NLGN1: variants seen among roughly 807,000 people sequenced by gnomAD.
The protein encoded by NLGN1 is neuroligin-1.
Under a neutral mutation model 65.5 loss-of-function variants are expected in NLGN1, and 12 were observed. The ratio of observed to expected loss-of-function variants is 0.18; its 90% CI spans 0.12 to 0.30. The LOEUF is 0.30. Among genes scored for constraint, NLGN1 ranks in the 10% least tolerant of loss-of-function variants. The pLI, the probability that NLGN1 is intolerant of heterozygous loss-of-function variation, is 1.00. For missense variants in NLGN1, 750 were observed against 1,007.1 expected (o/e 0.74, Z 3.46); for synonymous variants, 350 against 359.5 (o/e 0.97, Z 0.30).
intron 4 of NLGN1, among the ~76,000 whole-genome samples, chr3:174,044,712 G>A (rs1560910806): frequency 6.6e-6 from 1 of 152,076 alleles, no homozygotes; most frequent in Admixed American, 6.6e-5. Flanking sequence ...TGAGGCCTCT[G>A]ATATGGTTTG....
intron 4 of NLGN1, among the ~76,000 whole-genome samples, chr3:174,073,911 A>G (rs1231598356): frequency 1.3e-5 from 2 of 152,254 alleles, no homozygotes; most frequent in Non-Finnish European, 2.9e-5. Context: ...ACTATATTTA[A>G]GGTACTAGGA....
chr3:173,632,857 T>G (rs1001672715), intron 3 of NLGN1, among the ~76,000 whole-genome samples: 40 of 150,260 alleles, frequency 2.7e-4, no homozygotes, highest in East Asian at 9.7e-4. Context: ...TTGTTTTTTT[T>G]TTTTTTTTTT....
intron 4 of NLGN1, among the ~76,000 whole-genome samples, chr3:173,925,182 G>A (rs1157369977): frequency 6.6e-6 from 1 of 152,132 alleles, no homozygotes; most frequent in Non-Finnish European, 1.5e-5. Flanking sequence ...ATTCACATTT[G>A]TAGATGTTAG....
At chr3:174,223,144 AGAG>A (rs1317550339) in intron 4 of NLGN1, among the ~76,000 whole-genome samples, 1 of 152,128 alleles carries the variant, frequency 6.6e-6, no homozygotes, top group African/African-American at 2.4e-5. Flanking sequence ...CACAATGATC[AGAG>A]GAGAGCTGAC....
intron 4 of NLGN1, among the ~76,000 whole-genome samples, chr3:174,078,487 T>G (rs1272733877): frequency 1.3e-5 from 2 of 152,152 alleles, no homozygotes; most frequent in African/African-American, 4.8e-5. Context: ...GTTTTCCTAT[T>G]TATGTGTGTA....
At chr3:173,958,531 A>G (rs1712713225) in intron 4 of NLGN1, among the ~76,000 whole-genome samples, 1 of 151,924 alleles carries the variant, frequency 6.6e-6, no homozygotes, top group Non-Finnish European at 1.5e-5. Context: ...AGGTCATCCC[A>G]TTTTCTCCTT....
chr3:174,088,476 G>T (rs1282201051), intron 4 of NLGN1, among the ~76,000 whole-genome samples: 3 of 152,084 alleles, frequency 2.0e-5, no homozygotes, highest in African/African-American at 7.2e-5. Context: ...AATTATTTTG[G>T]CTGGGCACGG....
intron 4 of NLGN1, among the ~76,000 whole-genome samples, chr3:174,234,713 T>TG (rs1234382406): frequency 6.6e-6 from 1 of 152,128 alleles, no homozygotes; most frequent in Admixed American, 6.5e-5. Context: ...TGGTGGGAGT[T>TG]GGGGGAGCCC....
Position 173,513,796 on chromosome 3 carries a change from C to T in NLGN1, c.-321+78718C>T, listed in dbSNP as rs551414001. Reference sequence around the variant, plus strand: ...ATCCCAGCACTTTGGGAGGCCGAGGCGGGCGGATCACTTGAGGTCAGGAGT... The same window carrying T: ...ATCCCAGCACTTTGGGAGGCCGAGGTGGGCGGATCACTTGAGGTCAGGAGT... On this transcript the variant is annotated intron_variant, in intron 2 of 6. Coordinates refer to ENST00000457714, the Ensembl canonical transcript of NLGN1. Among the ~76,000 whole-genome samples, 20 of 151,160 alleles carry T rather than the reference C, an allele frequency of 1.3e-4. No homozygotes were observed. In the East Asian group the frequency reaches 2.7e-3, roughly 21 times the overall value.
rs368148860 is a variant in NLGN1 at position 173,493,165 on chromosome 3, C to T, written c.-321+58087C>T. Reference sequence around the variant, plus strand: ...GGTATTATCAACTTCATTTTACAAACGAAGAAATTGAAGTTCAGCAACATT... The same window carrying T: ...GGTATTATCAACTTCATTTTACAAATGAAGAAATTGAAGTTCAGCAACATT... On this transcript the variant is annotated intron_variant, in intron 2 of 6. Coordinates refer to ENST00000457714, the Ensembl canonical transcript of NLGN1. 1.4e-4 allele frequency among the ~76,000 whole-genome samples: 21 copies of T among 151,754 alleles called. No homozygotes were observed. In the South Asian group the frequency reaches 1.9e-3, roughly 14 times the overall value.
chr3:173,811,401 T>C (rs985599636), intron 4 of NLGN1, among the ~76,000 whole-genome samples: 1 of 151,146 alleles, frequency 6.6e-6, no homozygotes, highest in African/African-American at 2.4e-5. Flanking sequence ...CTGTCTCTAG[T>C]AAAAATGCAA....
intron 4 of NLGN1, among the ~76,000 whole-genome samples, chr3:174,123,738 T>C (rs759514820): frequency 6.6e-6 from 1 of 152,090 alleles, no homozygotes; most frequent in African/African-American, 2.4e-5. Context: ...TGTGAAACTG[T>C]AGTGGTCATG....
chr3:173,957,005 GTGATT>G (rs999196315), intron 4 of NLGN1, among the ~76,000 whole-genome samples: 1 of 151,916 alleles, frequency 6.6e-6, no homozygotes, highest in African/African-American at 2.4e-5. Flanking sequence ...TTATAAAATG[GTGATT>G]TTAGGCATGT....
At chr3:173,625,807 T>C (rs868758307) in intron 3 of NLGN1, among the ~76,000 whole-genome samples, 7 of 152,134 alleles carry the variant, frequency 4.6e-5, no homozygotes, top group African/African-American at 1.7e-4. Context: ...AGTCTATAGA[T>C]ACAAATCAAT....
At chr3:174,087,385 T>A (rs1430670235) in intron 4 of NLGN1, among the ~76,000 whole-genome samples, 1 of 152,110 alleles carries the variant, frequency 6.6e-6, no homozygotes, top group Non-Finnish European at 1.5e-5. Flanking sequence ...TTTTCTGGAG[T>A]AGTTAAGTGT....
intron 3 of NLGN1, among the ~76,000 whole-genome samples, chr3:173,702,752 A>T (rs575667612): frequency 2.6e-5 from 4 of 152,214 alleles, no homozygotes; most frequent in African/African-American, 4.8e-5. Context: ...CGATGCCATC[A>T]GTTTCTATGG....
At chr3:174,100,780 A>C (rs1712256580) in intron 4 of NLGN1, among the ~76,000 whole-genome samples, 1 of 152,084 alleles carries the variant, frequency 6.6e-6, no homozygotes, top group African/African-American at 2.4e-5. Flanking sequence ...ATAAGGGGTA[A>C]GAAAGGTGCC....
chr3:173,484,639 C>T (rs1418134782), intron 2 of NLGN1, among the ~76,000 whole-genome samples: 1 of 151,996 alleles, frequency 6.6e-6, no homozygotes, highest in Non-Finnish European at 1.5e-5. Flanking sequence ...GAACAAAAGA[C>T]ATAGGCCAAT....
chr3:173,792,485 A>G (rs188458471), intron 3 of NLGN1, among the ~76,000 whole-genome samples: 1 of 152,264 alleles, frequency 6.6e-6, no homozygotes, highest in East Asian at 1.9e-4. Context: ...ATTATTGTAG[A>G]GGAGACTCTC....
Sources: allele counts gnomAD v4.1 joint callset (sites outside exome capture counted in the v4.1 genomes callset), GRCh38; gene constraint gnomAD v4.1.1; transcripts MANE v1.5; gene names NCBI Gene and HGNC (gene_info 2026-07-23, HGNC 2026-07-21).